HCRTR2: variants seen among roughly 807,000 people sequenced by gnomAD.
The protein encoded by HCRTR2 is orexin receptor type 2.
In HCRTR2, 22 loss-of-function variants were observed where a neutral mutation model predicts 49.0. The ratio of observed to expected loss-of-function variants is 0.45; its 90% CI spans 0.32 to 0.64. The LOEUF (loss-of-function observed/expected upper bound fraction) is 0.64, where lower values mean the gene tolerates loss of function less well. Ranked by LOEUF, HCRTR2 falls within the 30% of genes least tolerant of loss-of-function variation. The pLI is 0.04. For missense variants in HCRTR2, 491 were observed against 559.4 expected, an observed-to-expected ratio of 0.88 and a Z score of 1.23; for synonymous variants, 236 against 205.3, an observed-to-expected ratio of 1.15 and a Z score of -1.28.
upstream of HCRTR2, among the ~76,000 whole-genome samples, chr6:55,173,503 C>G (rs894446794): frequency 7.9e-5 from 12 of 152,126 alleles, no homozygotes; most frequent in Non-Finnish European, 1.3e-4. Flanking sequence ...TGCTAGAATA[C>G]TTATTATTAG....
At chr6:55,260,130 G>A (rs879671836) in intron 3 of HCRTR2, among the ~76,000 whole-genome samples, 23 of 151,912 alleles carry the variant, frequency 1.5e-4, no homozygotes, top group East Asian at 1.2e-3. Flanking sequence ...TATTCAAAAC[G>A]CCAAACTGTT....
intron 1 of HCRTR2, among the ~76,000 whole-genome samples, chr6:55,155,857 A>T (rs9475180): frequency 6.6e-6 from 1 of 151,976 alleles, no homozygotes; most frequent in African/African-American, 2.4e-5. Context: ...TCTTATCTAT[A>T]TAAGCATGAG....
At chr6:55,262,815 T>A (rs1766793034) in intron 3 of HCRTR2, among the ~76,000 whole-genome samples, 1 of 148,298 alleles carries the variant, frequency 6.7e-6, no homozygotes, top group Non-Finnish European at 1.5e-5. Context: ...AAGTTAGTAA[T>A]CAATATAATT....
At chr6:55,234,438 A>G (rs1335332599) in intron 1 of HCRTR2, among the ~76,000 whole-genome samples, 4 of 152,126 alleles carry the variant, frequency 2.6e-5, no homozygotes, top group Admixed American at 2.6e-4. Context: ...GAGAGGGGAG[A>G]AATGGCTAGA....
intron 1 of HCRTR2, among the ~76,000 whole-genome samples, chr6:55,221,584 G>T (rs570193704): frequency 6.6e-6 from 1 of 151,666 alleles, no homozygotes; most frequent in Non-Finnish European, 1.5e-5. Context: ...GAGGCCAAGG[G>T]GGTCAGATCA....
At chr6:55,145,465 C>T (rs989219127) in intron 1 of HCRTR2, among the ~76,000 whole-genome samples, 3 of 149,646 alleles carry the variant, frequency 2.0e-5, no homozygotes, top group East Asian at 2.0e-4. Context: ...GGCTGGAGTG[C>T]AGTGGCGCGA....
At chr6:55,225,343 C>A (rs1361941021) in intron 1 of HCRTR2, among the ~76,000 whole-genome samples, 1 of 151,842 alleles carries the variant, frequency 6.6e-6, no homozygotes, top group African/African-American at 2.4e-5. Context: ...ATTATTTTAG[C>A]CCTGTCTTTT....
At chr6:55,114,528 T>C (rs1581779029) in intron 1 of HCRTR2, among the ~76,000 whole-genome samples, 1 of 151,740 alleles carries the variant, frequency 6.6e-6, no homozygotes, top group African/African-American at 2.4e-5. Flanking sequence ...ATAACCCAGA[T>C]TATCCAAATA....
intron 1 of HCRTR2, among the ~76,000 whole-genome samples, chr6:55,155,339 T>C (rs1465330097): frequency 1.3e-5 from 2 of 151,954 alleles, no homozygotes; most frequent in African/African-American, 2.4e-5. Context: ...CAAAGCCTGG[T>C]TCCTAATTTT....
At position 55,163,267 on chromosome 6, in the gene HCRTR2, A is replaced by C. The variant is rs546926798; in HGVS notation, c.-377-10944A>C. Among the ~76,000 whole-genome samples, 51 of 151,970 alleles carry C rather than the reference A, an allele frequency of 3.4e-4. 1 individual carries two copies. In the East Asian group the frequency reaches 4.6e-3, roughly 14 times the overall value. On this transcript the variant is annotated intron_variant, in intron 1 of 7. Transcript: ENST00000615358. Reference sequence around the variant, plus strand: ...ACAAACAAACAAACAACAAAAAAAAAAAAACTACCTTAAATTTCTTATGGA... The same window carrying C: ...ACAAACAAACAAACAACAAAAAAAACAAAACTACCTTAAATTTCTTATGGA...
At chr6:55,212,448 G>A (rs1240700975) in intron 1 of HCRTR2, among the ~76,000 whole-genome samples, 1 of 152,112 alleles carries the variant, frequency 6.6e-6, no homozygotes, top group Non-Finnish European at 1.5e-5. Flanking sequence ...GTATGGAAGT[G>A]GACATTTCAG....
intron 1 of HCRTR2, among the ~76,000 whole-genome samples, chr6:55,138,339 T>C (rs1384333011): frequency 2.6e-5 from 4 of 152,180 alleles, no homozygotes; most frequent in Non-Finnish European, 5.9e-5. Flanking sequence ...AAACTTCTTT[T>C]AACAAAATTC....
intron 1 of HCRTR2, among the ~76,000 whole-genome samples, chr6:55,133,889 T>A (rs1764397207): frequency 6.6e-6 from 1 of 151,864 alleles, no homozygotes; most frequent in African/African-American, 2.4e-5. Flanking sequence ...GATTTCATTC[T>A]ATTGCCATAA....
At chr6:55,244,297 G>T (rs908481135) in intron 1 of HCRTR2, among the ~76,000 whole-genome samples, 1 of 151,532 alleles carries the variant, frequency 6.6e-6, no homozygotes, top group African/African-American at 2.4e-5. Flanking sequence ...AGGAATTAAT[G>T]GATTTTATCC....
At chr6:55,248,575 A>G in intron 1 of HCRTR2, 64 bp from the exon 2 acceptor site, 1 of 1,252,288 alleles carries the variant, frequency 8.0e-7, no homozygotes, top group Non-Finnish European at 1.2e-6. Flanking sequence ...AAATACTGAC[A>G]GTGTTTCCTC....
intron 1 of HCRTR2, among the ~76,000 whole-genome samples, chr6:55,165,743 GAATATATATATATATATA>G (rs1224744279): frequency 5.5e-5 from 5 of 90,224 alleles, no homozygotes; most frequent in South Asian, 8.2e-4. Context: ...TTAGTATACA[GAATATATATATATATATA>G]TATATATATA....
At chr6:55,174,353 TC>T (rs576279924), upstream of HCRTR2, 94 of 558,182 alleles carry the variant, frequency 1.7e-4, 1 homozygote, top group East Asian at 2.1e-3. Context: ...GGTCCCTAGT[TC>T]CTCAGCTGCC....
intron 1 of HCRTR2, among the ~76,000 whole-genome samples, chr6:55,213,280 T>A (rs1765728066): frequency 6.6e-6 from 1 of 152,158 alleles, no homozygotes; most frequent in African/African-American, 2.4e-5. Flanking sequence ...AAGGTTAGAA[T>A]AGGCAACAAT....
intron 1 of HCRTR2, among the ~76,000 whole-genome samples, chr6:55,242,494 A>T (rs1181917604): frequency 6.6e-6 from 1 of 152,208 alleles, no homozygotes; most frequent in African/African-American, 2.4e-5. Context: ...ATTTTAATAT[A>T]ATCAAAACTA....
Sources: gnomAD v4.1 joint callset for allele counts (sites outside exome capture counted in the v4.1 genomes callset) on GRCh38, gnomAD v4.1.1 for gene constraint, MANE v1.5 for transcripts, NCBI Gene and HGNC (gene_info 2026-07-23, HGNC 2026-07-21) for gene names.